ADAM10: variants seen among roughly 807,000 people sequenced by gnomAD.
The protein encoded by ADAM10 is ADAM metallopeptidase domain 10, also known as disintegrin and metalloproteinase domain-containing protein 10.
A neutral mutation model predicts 90.1 loss-of-function variants in ADAM10; 17 were observed. The ratio of observed to expected loss-of-function variants is 0.19; its 90% CI spans 0.13 to 0.28. The LOEUF (loss-of-function observed/expected upper bound fraction) is 0.28. Among genes scored for constraint, ADAM10 ranks in the 10% least tolerant of loss-of-function variants. The pLI, the probability that ADAM10 is intolerant of heterozygous loss-of-function variation, is 1.00. For synonymous variants in ADAM10, 310 were observed against 298.6 expected (o/e 1.04, Z -0.40); for missense variants, 610 against 914.3 (o/e 0.67, Z 4.29).
chr15:58,719,090 G>A (rs763640525), intron 1 of ADAM10, among the ~76,000 whole-genome samples: 5 of 152,192 alleles, frequency 3.3e-5, no homozygotes, highest in Admixed American at 1.3e-4. Context: ...TTGGGAGGCC[G>A]AGGCAGGTGG....
intron 2 of ADAM10, chr15:58,692,079 C>T (rs1241187064): frequency 8.4e-6 from 4 of 477,234 alleles, no homozygotes; most frequent in Non-Finnish European, 1.7e-5. Context: ...TCAACCATAC[C>T]ACGGACAAAG....
chr15:58,680,295 G>C (rs1294460347), intron 3 of ADAM10, among the ~76,000 whole-genome samples: 4 of 152,122 alleles, frequency 2.6e-5, no homozygotes, highest in Non-Finnish European at 5.9e-5. Flanking sequence ...GCTAATTTTT[G>C]TATTTTTGGT....
chr15:58,603,155 G>C (rs1001296652), intron 14 of ADAM10, among the ~76,000 whole-genome samples: 5 of 152,040 alleles, frequency 3.3e-5, no homozygotes, highest in African/African-American at 1.2e-4. Flanking sequence ...TGCTCTCCTT[G>C]TTAGTCTTTA....
chr15:58,643,792 A>G, intron 7 of ADAM10, 94 bp downstream of exon 7: 1 of 1,029,854 alleles, frequency 9.7e-7, no homozygotes, highest in Non-Finnish European at 1.5e-6. Context: ...TTAATTCATA[A>G]AGATAAAATT....
chr15:58,624,757 T>A (rs1481797882), intron 10 of ADAM10, among the ~76,000 whole-genome samples: 1 of 152,162 alleles, frequency 6.6e-6, no homozygotes, highest in Non-Finnish European at 1.5e-5. Flanking sequence ...GGTTTCGAAC[T>A]CCTGGCCTCA....
intron 1 of ADAM10, among the ~76,000 whole-genome samples, chr15:58,740,309 T>A (rs573846550): frequency 6.6e-6 from 1 of 151,838 alleles, no homozygotes; most frequent in Admixed American, 6.6e-5. Flanking sequence ...ACTCGGAGGC[T>A]GAGGCACAAA....
At chr15:58,620,621 G>C (rs1468846171) in intron 11 of ADAM10, among the ~76,000 whole-genome samples, 2 of 151,238 alleles carry the variant, frequency 1.3e-5, no homozygotes, top group Non-Finnish European at 1.5e-5. Flanking sequence ...AAATATGGAA[G>C]ATAGTTACAT....
intron 4 of ADAM10, among the ~76,000 whole-genome samples, chr15:58,673,816 G>C (rs1688988876): frequency 6.6e-6 from 1 of 151,278 alleles, no homozygotes; most frequent in South Asian, 2.1e-4. Context: ...CTCACTGCAA[G>C]CTCCGACTCC....
At chr15:58,625,192 G>A (rs1341917448) in intron 10 of ADAM10, among the ~76,000 whole-genome samples, 12 of 152,068 alleles carry the variant, frequency 7.9e-5, no homozygotes, top group Admixed American at 2.6e-4. Context: ...TTTGCTCCAC[G>A]AAAGAACTGT....
At chr15:58,621,121 G>A (rs1035305046) in intron 11 of ADAM10, among the ~76,000 whole-genome samples, 38 of 151,630 alleles carry the variant, frequency 2.5e-4, no homozygotes, top group Admixed American at 2.1e-3. Flanking sequence ...AAATTAGCTG[G>A]GTGTGGTAGC....
At chr15:58,624,361 T>A (rs1895876384) in intron 10 of ADAM10, among the ~76,000 whole-genome samples, 1 of 152,322 alleles carries the variant, frequency 6.6e-6, no homozygotes, top group East Asian at 1.9e-4. Flanking sequence ...ATAATGATTT[T>A]TACAAGTCTA....
chr15:58,726,024 ATTTAT>A (rs1378801615), intron 1 of ADAM10, among the ~76,000 whole-genome samples: 1 of 152,178 alleles, frequency 6.6e-6, no homozygotes, highest in Non-Finnish European at 1.5e-5. Context: ...AATAAAAAGG[ATTTAT>A]TTTCTCATTT....
intron 8 of ADAM10, among the ~76,000 whole-genome samples, chr15:58,635,274 C>CAAAA (rs58106236): frequency 8.0e-4 from 51 of 64,066 alleles, no homozygotes; most frequent in African/African-American, 1.2e-3. Flanking sequence ...GACTCTGTCT[C>CAAAA]AAAAAAAAAA....
intron 5 of ADAM10, among the ~76,000 whole-genome samples, chr15:58,647,925 A>T (rs1197080869): frequency 6.6e-6 from 1 of 152,188 alleles, no homozygotes; most frequent in Non-Finnish European, 1.5e-5. Flanking sequence ...ACCTAAAAGG[A>T]TCATCTTAAG....
At chr15:58,668,847 G>A (rs761311079) in intron 4 of ADAM10, among the ~76,000 whole-genome samples, 4 of 151,946 alleles carry the variant, frequency 2.6e-5, no homozygotes, top group African/African-American at 7.3e-5. Flanking sequence ...CTTTTCAAAG[G>A]TCATCCATTA....
chr15:58,685,160 TAAAAAAA>T (rs140613738), intron 2 of ADAM10, among the ~76,000 whole-genome samples: 1 of 119,118 alleles, frequency 8.4e-6, no homozygotes, highest in Admixed American at 8.6e-5. Context: ...TTATATTAAG[TAAAAAAA>T]AAAAAAAAAA....
chr15:58,615,498 G>A (rs1895581828), intron 11 of ADAM10, among the ~76,000 whole-genome samples: 1 of 152,054 alleles, frequency 6.6e-6, no homozygotes, highest in Non-Finnish European at 1.5e-5. Flanking sequence ...TGTTGCCTAG[G>A]TTGGTCTTGC....
In ADAM10 at chr15:58,592,926, C is replaced by A. The variant is rs894854740; in HGVS notation, c.*4621G>T. Reference sequence around the variant, plus strand: ...ATTTTCCTAAGAATTGTTTAAAATTCTTTAGAATTGTTTAAAATAATAAAC... The same window carrying A: ...ATTTTCCTAAGAATTGTTTAAAATTATTTAGAATTGTTTAAAATAATAAAC... On this transcript the variant is annotated 3_prime_UTR_variant, in exon 16 of 16. Coordinates refer to ENST00000260408, the MANE Select transcript of ADAM10 (RefSeq NM_001110.4). 1.3e-5 allele frequency: 2 copies of A among 149,272 alleles called. No homozygotes were observed. Among genetic ancestry groups the A allele is most frequent in the Admixed American group, 1.3e-4 (2 of 14,988 alleles). 9.2% of individuals were successfully genotyped at this position (149,272 alleles called of 1,614,324 possible). A position where few individuals can be genotyped will look rare whatever the true frequency, so the allele number is the denominator to read the frequency against.
chr15:58,664,810 A>C (rs1228989650), intron 5 of ADAM10, among the ~76,000 whole-genome samples: 1 of 152,170 alleles, frequency 6.6e-6, no homozygotes, highest in Non-Finnish European at 1.5e-5. Flanking sequence ...AATGCTAATA[A>C]AAATATTTAC....
Sources: allele counts gnomAD v4.1 joint callset (sites outside exome capture counted in the v4.1 genomes callset), GRCh38; gene constraint gnomAD v4.1.1; transcripts MANE v1.5; gene names NCBI Gene and HGNC (gene_info 2026-07-23, HGNC 2026-07-21).